The following SCN1A variants were observed in gnomAD, a reference collection of about 807,000 sequenced individuals.
SCN1A encodes sodium channel protein type 1 subunit alpha.
A neutral mutation model predicts 193.7 loss-of-function variants in SCN1A; 13 were observed. That is an observed-to-expected ratio of 0.07 (90% confidence interval 0.04 to 0.11). SCN1A has a LOEUF of 0.11. Among genes scored for constraint, SCN1A ranks in the 10% least tolerant of loss-of-function variants. The pLI is 1.00. For missense variants in SCN1A, 1,432 were observed against 2,451.1 expected, an observed-to-expected ratio of 0.58 and a Z score of 8.78; for synonymous variants, 781 against 843.6, an observed-to-expected ratio of 0.93 and a Z score of 1.29.
At chr2:166,128,181 CT>C (rs1691464690), upstream of SCN1A, 1 of 151,598 alleles carries the variant, frequency 6.6e-6, no homozygotes, top group Non-Finnish European at 1.5e-5. Flanking sequence ...GCCTTTTTTC[CT>C]TTCTTCTCTG....
intron 2 of SCN1A, among the ~76,000 whole-genome samples, chr2:166,090,029 C>CTTTTT (rs545740675): frequency 7.0e-5 from 5 of 71,416 alleles, no homozygotes; most frequent in African/African-American, 1.1e-4. Flanking sequence ...TCCTTCTTTC[C>CTTTTT]TTTTTTTTTT....
chr2:166,063,711 T>A (rs1559264673), intron 4 of SCN1A, among the ~76,000 whole-genome samples: 1 of 152,060 alleles, frequency 6.6e-6, no homozygotes, highest in Non-Finnish European at 1.5e-5. Context: ...AGAGCCACAT[T>A]AAAAGAAAAA....
intron 1 of SCN1A, among the ~76,000 whole-genome samples, chr2:166,138,604 A>G (rs1558914372): frequency 6.6e-6 from 1 of 152,222 alleles, no homozygotes; most frequent in African/African-American, 2.4e-5. Flanking sequence ...CAGAAGATGT[A>G]TGGAAACGCC....
chr2:166,074,851 A>G (rs1052877825), intron 3 of SCN1A, among the ~76,000 whole-genome samples: 1 of 152,194 alleles, frequency 6.6e-6, no homozygotes, highest in Admixed American at 6.5e-5. Context: ...TCAAATTTCA[A>G]GGAGGTTCTC....
At chr2:165,995,237 A>G (rs1311816531) in intron 27 of SCN1A, among the ~76,000 whole-genome samples, 1 of 151,818 alleles carries the variant, frequency 6.6e-6, no homozygotes, top group Admixed American at 6.6e-5. Flanking sequence ...GAGAAAGTAT[A>G]TATTTCTCAT....
chr2:166,145,973 A>C (rs970081752), intron 1 of SCN1A, among the ~76,000 whole-genome samples: 3 of 152,124 alleles, frequency 2.0e-5, no homozygotes, highest in Admixed American at 2.0e-4. Flanking sequence ...AGGAGCAGAG[A>C]TGGGATGGGG....
Position 165,989,061 on chromosome 2 carries a change from TGTGTGTGCGCGCGC to T in SCN1A, c.*2170_*2183del, listed in dbSNP as rs757899667. The T allele has an allele frequency of 0.24, 18,010 of 76,328 alleles. 1,196 individuals carry two copies. Among genetic ancestry groups the T allele is most frequent in the East Asian group, 0.33 (959 of 2,894 alleles). 4.7% of individuals were successfully genotyped at this position (76,328 alleles called of 1,614,324 possible). Reference sequence around the variant, plus strand: ...GTGTGTGTGTGTGTGTGTGTGTGTGTGTGTGTGCGCGCGCGCTCCCCTTCTCCCCCAATTTGTAA... The same window carrying T: ...GTGTGTGTGTGTGTGTGTGTGTGTGTGCTCCCCTTCTCCCCCAATTTGTAA... On this transcript the variant is annotated 3_prime_UTR_variant, in exon 29 of 29. Transcript: ENST00000674923.
intron 2 of SCN1A, among the ~76,000 whole-genome samples, chr2:166,119,425 T>A (rs1233309012): frequency 5.3e-5 from 8 of 152,180 alleles, no homozygotes; most frequent in Non-Finnish European, 1.0e-4. Flanking sequence ...CTAAGTAGTT[T>A]AAAAATTTAA....
intron 4 of SCN1A, 51 bp downstream of exon 4, chr2:166,073,307 G>A (rs1335633432): frequency 1.2e-6 from 2 of 1,607,268 alleles, no homozygotes; most frequent in Admixed American, 3.3e-5. Flanking sequence ...AACAGTCCAA[G>A]GAATGCAGTA....
chr2:166,105,164 G>A (rs1026674504), intron 2 of SCN1A, among the ~76,000 whole-genome samples: 1 of 152,184 alleles, frequency 6.6e-6, no homozygotes, highest in Non-Finnish European at 1.5e-5. Context: ...TCTTTAGAAA[G>A]TGATGAATAT....
At chr2:166,106,935 A>C (rs990394178) in intron 2 of SCN1A, among the ~76,000 whole-genome samples, 1 of 152,174 alleles carries the variant, frequency 6.6e-6, no homozygotes, top group Non-Finnish European at 1.5e-5. Context: ...TTAGCTACCA[A>C]AGAGAGCTAA....
Position 166,058,638 on chromosome 2 carries a change from G to A in SCN1A, c.315C>T (p.Thr105=). 6.2e-7 allele frequency: 1 copy of A among 1,612,592 alleles called. No homozygotes were observed. The highest frequency in any genetic ancestry group is 1.3e-5 in the African/African-American group (1 of 74,988). The change falls in exon 5 of 29, where the codon ACC becomes ACT. Residue 105 remains threonine (T), a synonymous_variant. Transcript: ENST00000674923. ...KGKAIFRFSA[T]SALYILTPFN... ...AGGGAGTTAAAATGTACAGGGCAGA[G>A]GTGGCACTGAACCGGAAGATGGCCT...
Position 166,145,628 on chromosome 2 carries a change from A to C in SCN1A, c.-50+3419T>G, listed in dbSNP as rs530272249. On this transcript the variant is annotated intron_variant, in intron 1 of 26. Coordinates refer to the SCN1A transcript ENST00000635750. ...AGAAAATGTCTGTACTAAATTGCCA[A>C]GTGGTTTAGGTAAAAATTCATGGGA... 4.6e-5 allele frequency among the ~76,000 whole-genome samples: 7 copies of C among 152,206 alleles called. No homozygotes were observed. In the East Asian group the frequency reaches 1.4e-3, roughly 29 times the overall value.
At chr2:166,067,303 A>C (rs10208454) in intron 4 of SCN1A, among the ~76,000 whole-genome samples, 5 of 151,972 alleles carry the variant, frequency 3.3e-5, no homozygotes, top group Non-Finnish European at 7.4e-5. Context: ...AATAATAATA[A>C]ATAAATAAGG....
intron 2 of SCN1A, among the ~76,000 whole-genome samples, chr2:166,125,530 C>T (rs767794170): frequency 1.9e-4 from 29 of 152,166 alleles, no homozygotes; most frequent in Admixed American, 3.9e-4. Context: ...TTCTCTTCTT[C>T]GTCAGCAATT....
chr2:166,115,384 T>G (rs1689743902), intron 2 of SCN1A, among the ~76,000 whole-genome samples: 1 of 151,916 alleles, frequency 6.6e-6, no homozygotes, highest in Non-Finnish European at 1.5e-5. Context: ...CAAAAAAGAA[T>G]ACCTCAAAAT....
At chr2:166,027,388 CT>C (rs1332536561) in intron 19 of SCN1A, among the ~76,000 whole-genome samples, 7 of 151,972 alleles carry the variant, frequency 4.6e-5, no homozygotes, top group African/African-American at 1.7e-4. Flanking sequence ...TGATTAAATG[CT>C]TTTTTTCTTG....
At chr2:166,033,165 A>G (rs1201178464) in intron 19 of SCN1A, among the ~76,000 whole-genome samples, 1 of 152,160 alleles carries the variant, frequency 6.6e-6, no homozygotes, top group Non-Finnish European at 1.5e-5. Flanking sequence ...TCTATGCCTT[A>G]TATCTCTGGG....
chr2:165,996,399 T>C (rs569429168), intron 26 of SCN1A: 25 of 278,756 alleles, frequency 9.0e-5, no homozygotes, highest in Non-Finnish European at 1.6e-4. Flanking sequence ...TTATGCTTAG[T>C]GAGTGGCGAA....
Sources: allele counts gnomAD v4.1 joint callset (sites outside exome capture counted in the v4.1 genomes callset), GRCh38; gene constraint gnomAD v4.1.1; transcripts MANE v1.5; gene names NCBI Gene and HGNC (gene_info 2026-07-23, HGNC 2026-07-21).